The following CSMD3 variants were observed in gnomAD, a reference collection of about 807,000 sequenced individuals.
CSMD3 encodes the protein CUB and sushi domain-containing protein 3.
In CSMD3, 177 loss-of-function variants were observed where a neutral mutation model predicts 435.2. The ratio of observed to expected loss-of-function variants is 0.41; its 90% CI spans 0.36 to 0.46. The LOEUF (loss-of-function observed/expected upper bound fraction) is 0.46. Among genes scored for constraint, CSMD3 ranks in the 20% least tolerant of loss-of-function variants. CSMD3 has a pLI of 0.34. For missense variants in CSMD3, 4,265 were observed against 4,504.6 expected, an observed-to-expected ratio of 0.95 and a Z score of 1.52; for synonymous variants, 1,656 against 1,520.5, an observed-to-expected ratio of 1.09 and a Z score of -2.07.
intron 49 of CSMD3, among the ~76,000 whole-genome samples, chr8:112,312,857 T>C (rs1822116578): frequency 6.6e-6 from 1 of 152,206 alleles, no homozygotes; most frequent in Non-Finnish European, 1.5e-5. Context: ...AATGTATCTG[T>C]CTATGCCCGG....
intron 9 of CSMD3, among the ~76,000 whole-genome samples, chr8:112,923,241 T>C (rs895376014): frequency 6.6e-6 from 1 of 152,150 alleles, no homozygotes; most frequent in African/African-American, 2.4e-5. Context: ...GAGCAAACTT[T>C]TCAAAGGTTA....
chr8:113,102,686 G>A (rs1588077931), intron 4 of CSMD3, among the ~76,000 whole-genome samples: 1 of 152,184 alleles, frequency 6.6e-6, no homozygotes, highest in Non-Finnish European at 1.5e-5. Flanking sequence ...AAAAGCAGAG[G>A]GAAGGGTGTT....
At chr8:112,723,179 CACAG>C (rs2076897445) in intron 13 of CSMD3, among the ~76,000 whole-genome samples, 1 of 152,046 alleles carries the variant, frequency 6.6e-6, no homozygotes, top group African/African-American at 2.4e-5. Flanking sequence ...TAGATATTAA[CACAG>C]ACAGAAAGAA....
chr8:113,295,857 T>C (rs1428452804), intron 2 of CSMD3, among the ~76,000 whole-genome samples: 3 of 152,194 alleles, frequency 2.0e-5, no homozygotes, highest in South Asian at 2.1e-4. Context: ...TGTATGTTTA[T>C]TGCGGCACTA....
chr8:113,361,098 C>T (rs1465119932), intron 1 of CSMD3, among the ~76,000 whole-genome samples: 1 of 152,086 alleles, frequency 6.6e-6, no homozygotes, highest in Non-Finnish European at 1.5e-5. Flanking sequence ...TATGTAACAG[C>T]AACTGAAAAG....
intron 45 of CSMD3, among the ~76,000 whole-genome samples, chr8:112,325,510 T>G (rs1159622534): frequency 2.0e-5 from 3 of 152,148 alleles, no homozygotes; most frequent in Non-Finnish European, 4.4e-5. Context: ...GTAAATTCCA[T>G]GAAAGCAGGC....
intron 5 of CSMD3, among the ~76,000 whole-genome samples, chr8:113,084,992 T>C (rs974347158): frequency 6.6e-6 from 1 of 152,198 alleles, no homozygotes; most frequent in South Asian, 2.1e-4. Context: ...CTTAAATGTG[T>C]AAGACCAGAA....
chr8:113,080,447 A>G (rs2089515114), intron 5 of CSMD3, among the ~76,000 whole-genome samples: 1 of 152,212 alleles, frequency 6.6e-6, no homozygotes, highest in Non-Finnish European at 1.5e-5. Flanking sequence ...TATGCTAGGC[A>G]CAGAAAATTG....
intron 41 of CSMD3, among the ~76,000 whole-genome samples, chr8:112,342,014 A>G (rs990582481): frequency 6.6e-5 from 10 of 152,150 alleles, no homozygotes; most frequent in African/African-American, 2.2e-4. Context: ...ACTAATTTTT[A>G]GAGGAAAAGG....
intron 13 of CSMD3, among the ~76,000 whole-genome samples, chr8:112,722,869 C>T (rs1321361327): frequency 6.6e-6 from 1 of 152,036 alleles, no homozygotes; most frequent in Non-Finnish European, 1.5e-5. Context: ...AGATGACTCA[C>T]TTGTAACTGA....
intron 4 of CSMD3, among the ~76,000 whole-genome samples, chr8:113,107,789 T>C (rs1312522696): frequency 1.3e-5 from 2 of 152,178 alleles, no homozygotes; most frequent in African/African-American, 4.8e-5. Flanking sequence ...TCTTTTCTAC[T>C]TCAGTATTTA....
chr8:113,123,247 T>C (rs2091035476), intron 4 of CSMD3, among the ~76,000 whole-genome samples: 1 of 152,108 alleles, frequency 6.6e-6, no homozygotes, highest in African/African-American at 2.4e-5. Flanking sequence ...GGTATTAACA[T>C]GTTACTGGTT....
intron 10 of CSMD3, among the ~76,000 whole-genome samples, chr8:112,888,524 G>A (rs1006734618): frequency 2.6e-5 from 4 of 151,644 alleles, no homozygotes; most frequent in African/African-American, 4.8e-5. Flanking sequence ...AGCCCGGAAT[G>A]TAGGAAAGCC....
chr8:112,536,537 G>A (rs1826102686), intron 27 of CSMD3, among the ~76,000 whole-genome samples: 1 of 152,178 alleles, frequency 6.6e-6, no homozygotes, highest in African/African-American at 2.4e-5. Flanking sequence ...TGGAGAGGAT[G>A]TGGAGAAATA....
At chr8:112,373,378 G>A (rs1168448314) in intron 38 of CSMD3, among the ~76,000 whole-genome samples, 2 of 151,912 alleles carry the variant, frequency 1.3e-5, no homozygotes, top group East Asian at 1.9e-4. Context: ...AGTGACATAG[G>A]TGTCTCCTTG....
At chr8:112,406,984 AC>A in intron 34 of CSMD3, among the ~76,000 whole-genome samples, 1 of 152,096 alleles carries the variant, frequency 6.6e-6, no homozygotes, top group East Asian at 1.9e-4. Context: ...TTTTTGTTTT[AC>A]CGAACTCATT....
At chr8:112,695,913 T>G (rs1032454676) in intron 13 of CSMD3, among the ~76,000 whole-genome samples, 7 of 152,182 alleles carry the variant, frequency 4.6e-5, no homozygotes, top group Admixed American at 3.9e-4. Context: ...TGTGCAAAAA[T>G]CACAAGCATT....
chr8:112,408,205 A>C (rs1832028587), intron 34 of CSMD3, 113 bp downstream of exon 34: 1 of 795,318 alleles, frequency 1.3e-6, no homozygotes, highest in African/African-American at 1.7e-5. Flanking sequence ...GGACAAAATA[A>C]AACTGCTTAA....
At position 112,975,765 on chromosome 8, in the gene CSMD3, C is replaced by T. The variant is rs1587806047; in HGVS notation, c.1342+72G>A. The T allele has an allele frequency of 5.0e-6, 8 of 1,607,696 alleles. No homozygotes were observed. The East Asian group carries it at 1.8e-4, about 36-fold the overall frequency. ...TCTTGGCTCTCTTTCAGCTCATTCT[C>T]TAATTAGAATCATTACCAAAATATA... On this transcript the variant is annotated intron_variant, in intron 7 of 70. Transcript: ENST00000297405.
Sources: gnomAD v4.1 joint callset for allele counts (sites outside exome capture counted in the v4.1 genomes callset) on GRCh38, gnomAD v4.1.1 for gene constraint, MANE v1.5 for transcripts, NCBI Gene and HGNC (gene_info 2026-07-23, HGNC 2026-07-21) for gene names.